Variants in POLR1C observed in about 807,000 individuals in gnomAD.
POLR1C encodes the protein RNA polymerase I and III subunit C, also known as DNA-directed RNA polymerases I and III subunit RPAC1.
POLR1C carries 42 observed loss-of-function variants against 38.3 expected under a neutral mutation model. The observed-to-expected ratio is 1.10, with a 90% CI of 0.86 to 1.42. POLR1C has a LOEUF of 1.42. Ranked by LOEUF, POLR1C falls within the 40% of genes most tolerant of loss-of-function variation. POLR1C has a pLI of 0.00. For missense variants in POLR1C, 507 were observed against 450.5 expected (o/e 1.13, Z -1.14); for synonymous variants, 163 against 163.9 (o/e 0.99, Z 0.04).
In POLR1C at chr6:43,520,658, C is replaced by CA. The variant is rs1312190387; in HGVS notation, c.690dup (p.Ala231SerfsTer13). 6.2e-7 allele frequency: 1 copy of CA among 1,614,178 alleles called. No homozygotes were observed. Among genetic ancestry groups the CA allele is most frequent in the Non-Finnish European group, 8.5e-7 (1 of 1,180,022 alleles). ...CATGCCAAGTTTTCACCAGTGGCAA[C>CA]AGCCAGTTACAGGCTCCTGCCAGAC... On this transcript the variant is annotated frameshift_variant, in exon 7 of 9. Coordinates refer to ENST00000642195, the MANE Select transcript of POLR1C (RefSeq NM_203290.4). LOFTEE classifies it high-confidence loss of function.
intron 9 of POLR1C, among the ~76,000 whole-genome samples, chr6:43,536,217 C>T (rs1794313033): frequency 1.3e-5 from 2 of 151,754 alleles, no homozygotes. Context: ...GAGTTTGAGA[C>T]CAGCCTGGCC....
At chr6:43,529,851 G>C (rs546649492), downstream of POLR1C, among the ~76,000 whole-genome samples, 1 of 148,694 alleles carries the variant, frequency 6.7e-6, no homozygotes, top group Non-Finnish European at 1.5e-5. Context: ...ACTTGAGCCT[G>C]CACTGAGCTT....
At chr6:43,548,968 T>C (rs1795098151) in intron 9 of POLR1C, among the ~76,000 whole-genome samples, 1 of 152,202 alleles carries the variant, frequency 6.6e-6, no homozygotes, top group Non-Finnish European at 1.5e-5. Flanking sequence ...GTAATCTATA[T>C]GGCAGAGAAC....
chr6:43,517,981 G>A (rs1372694012), intron 2 of POLR1C, among the ~76,000 whole-genome samples: 1 of 151,994 alleles, frequency 6.6e-6, no homozygotes, highest in Non-Finnish European at 1.5e-5. Context: ...TTTTTAACCT[G>A]TTGATACAAG....
downstream of POLR1C, chr6:43,522,952 C>G (rs560437340): frequency 1.2e-4 from 22 of 176,632 alleles, 3 homozygotes; most frequent in South Asian, 2.2e-3. Flanking sequence ...AACCAGGGAC[C>G]TGAAAGACCA....
Position 43,521,044 on chromosome 6 carries a change from T to TATC in POLR1C, c.919_921dup (p.Ile307dup). On this transcript the variant is annotated inframe_insertion, in exon 8 of 9. Coordinates refer to ENST00000642195, the MANE Select transcript of POLR1C (RefSeq NM_203290.4). ...GGCTTGCCCGGGTTCGAGATCATTATATCTGTGAGTATGAAGTGGTGAGAT... is the reference window on the plus strand; with the variant it reads ...GGCTTGCCCGGGTTCGAGATCATTATATCATCTGTGAGTATGAAGTGGTGAGAT... 6.2e-7 allele frequency: 1 copy of TATC among 1,612,220 alleles called. No homozygotes were observed. The highest frequency in any genetic ancestry group is 8.5e-7 in the Non-Finnish European group (1 of 1,178,216).
At chr6:43,531,469 G>A, downstream of POLR1C, 1 of 1,608,806 alleles carries the variant, frequency 6.2e-7, no homozygotes, top group Non-Finnish European at 8.5e-7. Context: ...AGGCAGCATT[G>A]GTTCCTTACC....
chr6:43,523,178 A>G (rs41308307), downstream of POLR1C: 1 of 167,576 alleles, frequency 6.0e-6, no homozygotes, highest in Non-Finnish European at 1.3e-5. Context: ...AAGATGTGTG[A>G]ACTCTAAAGG....
In POLR1C at chr6:43,542,906, G is replaced by A. The variant is rs372385158; in HGVS notation, c.*5-8062G>A. On this transcript the variant is annotated intron_variant, in intron 9 of 10. Transcript: ENST00000607635. ...AATTATATATATATGTTCACAAAACGTATTTGACATAAGAATGTCAACAGC... is the reference window on the plus strand; with the variant it reads ...AATTATATATATATGTTCACAAAACATATTTGACATAAGAATGTCAACAGC... 2.0e-3 allele frequency among the ~76,000 whole-genome samples: 309 copies of A among 152,046 alleles called. 2 individuals carry two copies. The highest frequency in any genetic ancestry group is 7.0e-3 in the African/African-American group (289 of 41,460).
At chr6:43,557,991 A>G (rs1039943551) in intron 10 of POLR1C, among the ~76,000 whole-genome samples, 2 of 151,902 alleles carry the variant, frequency 1.3e-5, no homozygotes, top group African/African-American at 4.8e-5. Context: ...GCTACTTGGG[A>G]AGCTGAGGCA....
chr6:43,539,691 C>T (rs759080810), intron 9 of POLR1C: 263 of 780,132 alleles, frequency 3.4e-4, no homozygotes, highest in Admixed American at 2.0e-3. Flanking sequence ...ACTGCACCGG[C>T]GTCATCCGCC....
chr6:43,528,148 G>T, intron 8 of POLR1C: 1 of 1,587,862 alleles, frequency 6.3e-7, no homozygotes, highest in Non-Finnish European at 8.6e-7. Context: ...GAGTGGGTAG[G>T]TATCCCTTAC....
At chr6:43,539,182 G>A (rs567261511) in intron 9 of POLR1C, 12 of 1,121,078 alleles carry the variant, frequency 1.1e-5, no homozygotes, top group Non-Finnish European at 1.6e-5. Context: ...GGGGCTTGCC[G>A]ATCTTGTTCC....
At position 43,519,366 on chromosome 6, in the gene POLR1C, A is replaced by C; in HGVS notation, c.175A>C (p.Asn59His). ...FRVDVVHMDE[N>H]SLEFDMVGID... ...TGTGGATGTAGTACACATGGATGAA[A>C]ACTCACTGGAGTTTGACATGGTGGG... is the stretch of plus-strand genomic sequence containing the variant. The change falls in exon 3 of 9, where the codon AAC (asparagine) becomes CAC (histidine). Residue 59 changes from asparagine to histidine, a missense_variant. Coordinates refer to ENST00000642195, the MANE Select transcript of POLR1C (RefSeq NM_203290.4). 1 of 1,613,808 alleles carries C rather than the reference A, an allele frequency of 6.2e-7. No homozygotes were observed. The highest frequency in any genetic ancestry group is 8.5e-7 in the Non-Finnish European group (1 of 1,179,688).
intron 9 of POLR1C, among the ~76,000 whole-genome samples, chr6:43,541,706 A>C (rs1435193752): frequency 6.6e-6 from 1 of 152,158 alleles, no homozygotes; most frequent in African/African-American, 2.4e-5. Context: ...ACTTAGCATA[A>C]TGTTTTGAAG....
At position 43,555,853 on chromosome 6, in the gene POLR1C, T is replaced by C. The variant is rs563472062; in HGVS notation, c.*48+4842T>C. 8.1e-6 allele frequency: 13 copies of C among 1,613,884 alleles called. No homozygotes were observed. In the South Asian group the frequency reaches 1.3e-4, roughly 16 times the overall value. On this transcript the variant is annotated intron_variant, in intron 10 of 10. Transcript: ENST00000607635. ...AAACTTACAATTCACAGAACCAGCA[T>C]CAAGAAAAGTTGATAGTTGATACTT...
chr6:43,526,444 G>T, downstream of POLR1C: 1 of 546,204 alleles, frequency 1.8e-6, no homozygotes, highest in Non-Finnish European at 3.3e-6. Context: ...TTGGAATAAA[G>T]CAAGAGAAAA....
At chr6:43,560,357 G>T (rs911812489) in intron 10 of POLR1C, 6 of 1,522,146 alleles carry the variant, frequency 3.9e-6, no homozygotes, top group African/African-American at 1.4e-5. Flanking sequence ...ATATAACCCA[G>T]ATTATTACTT....
intron 9 of POLR1C, among the ~76,000 whole-genome samples, chr6:43,538,166 T>C (rs1174210665): frequency 1.6e-4 from 22 of 134,304 alleles, no homozygotes; most frequent in Non-Finnish European, 2.8e-4. Context: ...TTTTTTTTTT[T>C]TGAAACAGAG....
Sources: allele counts gnomAD v4.1 joint callset (sites outside exome capture counted in the v4.1 genomes callset), GRCh38; gene constraint gnomAD v4.1.1; transcripts MANE v1.5; gene names NCBI Gene and HGNC (gene_info 2026-07-23, HGNC 2026-07-21).